SNX15: variants seen among roughly 807,000 people sequenced by gnomAD.
SNX15 encodes the protein sorting nexin-15.
SNX15 carries 29 observed loss-of-function variants against 35.2 expected under a neutral mutation model. The ratio of observed to expected loss-of-function variants is 0.82; its 90% CI spans 0.61 to 1.12. SNX15 has a LOEUF of 1.12. Ranked by LOEUF, SNX15 falls within the 50% of genes most tolerant of loss-of-function variation. SNX15 has a pLI of 0.00. For synonymous variants in SNX15, 189 were observed against 188.2 expected (o/e 1.00, Z -0.03); for missense variants, 400 against 451.5 (o/e 0.89, Z 1.03).
rs1946528755 is a variant in SNX15, at chr11:65,038,497, G to T, written c.665-75G>T. 2.7e-6 allele frequency: 4 copies of T among 1,483,240 alleles called. No individual in the cohort carries two copies. The South Asian group carries it at 5.7e-5, about 21-fold the overall frequency. The allele number at this position is 1,483,240 out of a possible 1,614,324, so 91.9% of individuals were successfully genotyped here. A position where few individuals can be genotyped will look rare whatever the true frequency, so the allele number is the denominator to read the frequency against. On this transcript the variant is annotated intron_variant, in intron 6 of 7. Transcript: ENST00000377244. ...CAGGCTGATACCCTGATGGACAAAA[G>T]AAGTCTTGGGGTTGGGCAGAGGGCC...
intron 1 of SNX15, among the ~76,000 whole-genome samples, chr11:65,031,788 T>A (rs577141057): frequency 1.3e-5 from 2 of 152,088 alleles, no homozygotes; most frequent in Non-Finnish European, 2.9e-5. Context: ...CTGTAGCTTC[T>A]TGGGAGGCTG....
At chr11:65,027,735 G>T in intron 1 of SNX15, 99 bp downstream of exon 1, 1 of 864,852 alleles carries the variant, frequency 1.2e-6, no homozygotes, top group Admixed American at 2.1e-5. Flanking sequence ...CTTTTTAGAC[G>T]ACAGAAATGG....
chr11:65,033,543 CAAAAAAAA>C, intron 3 of SNX15, among the ~76,000 whole-genome samples: 1 of 86,466 alleles, frequency 1.2e-5, no homozygotes, highest in East Asian at 4.0e-4. Context: ...GACTCCGTCT[CAAAAAAAA>C]AAAAAAAAAA....
chr11:65,029,303 C>T (rs1946413056), intron 1 of SNX15, among the ~76,000 whole-genome samples: 3 of 150,878 alleles, frequency 2.0e-5, no homozygotes, highest in Admixed American at 6.6e-5. Context: ...ACTACAGGCA[C>T]GCGTCACCAT....
chr11:65,036,348 GA>G (rs1355917969), intron 6 of SNX15: 1 of 152,276 alleles, frequency 6.6e-6, no homozygotes, highest in Non-Finnish European at 1.5e-5. Context: ...AGGAATTCAA[GA>G]CCAGCCTGGG....
chr11:65,035,029 C>T, intron 4 of SNX15, 30 bp from the exon 5 acceptor site: 4 of 1,613,830 alleles, frequency 2.5e-6, no homozygotes, highest in Non-Finnish European at 3.4e-6. Context: ...CACCCCATGA[C>T]TCCCCATGTC....
chr11:65,037,013 TC>T (rs1946511360), intron 6 of SNX15: 1 of 152,074 alleles, frequency 6.6e-6, no homozygotes, highest in African/African-American at 2.4e-5. Flanking sequence ...CCGTTCCTGC[TC>T]CTGCCTCTCC....
chr11:65,037,772 C>A (rs1042874510), intron 6 of SNX15: 4 of 152,198 alleles, frequency 2.6e-5, no homozygotes, highest in Non-Finnish European at 5.9e-5. Flanking sequence ...CTGCTCTCTG[C>A]TCCCTGAGCA....
rs776050249 is a variant in SNX15 at position 65,035,523 on chromosome 11, AC to A, written c.530del (p.Pro177HisfsTer93). ...RGLEELEVPVDPPPSSPAQEA... is the reference protein window; with the variant it reads ...RGLEELEVPVXPPPSSPAQEA... ...ACCCCACTTATCTCTTCCTCAGTGG[AC>A]CCCCCACCATCCAGCCCTGCCCAGG... On this transcript the variant is annotated frameshift_variant, in exon 6 of 8. Transcript: ENST00000377244. LOFTEE classifies it high-confidence loss of function. 3.8e-6 allele frequency: 6 copies of A among 1,587,366 alleles called. No homozygotes were observed. The highest frequency in any genetic ancestry group is 4.3e-6 in the Non-Finnish European group (5 of 1,170,312).
chr11:65,032,729 A>G (rs149639716), intron 3 of SNX15, among the ~76,000 whole-genome samples, 178 bp downstream of exon 3: 4 of 152,306 alleles, frequency 2.6e-5, no homozygotes, highest in Non-Finnish European at 5.9e-5. Flanking sequence ...AGAGTAGCCT[A>G]ACCCTTACTG....
At chr11:65,033,682 G>C (rs141974860) in intron 3 of SNX15, among the ~76,000 whole-genome samples, 423 of 152,100 alleles carry the variant, frequency 2.8e-3, no homozygotes, top group Non-Finnish European at 5.2e-3. Context: ...ACTCATGTGA[G>C]ATGTTCTTTT....
At chr11:65,039,142 G>A (rs1946543353) in intron 7 of SNX15, among the ~76,000 whole-genome samples, 1 of 149,360 alleles carries the variant, frequency 6.7e-6, no homozygotes, top group South Asian at 2.1e-4. Context: ...TACTGCCTCA[G>A]CCTCCCGACT....
At chr11:65,027,753 C>G (rs1392608460) in intron 1 of SNX15, 117 bp downstream of exon 1, 2 of 753,836 alleles carry the variant, frequency 2.7e-6, no homozygotes, top group Non-Finnish European at 4.5e-6. Context: ...TGGGTTTCCC[C>G]TTTAAGGGGA....
chr11:65,034,963 G>C lies in SNX15; in HGVS notation c.372+1G>C. 1 of 1,613,878 alleles carries C rather than the reference G, an allele frequency of 6.2e-7. No individual in the cohort carries two copies. The highest frequency in any genetic ancestry group is 1.3e-5 in the African/African-American group (1 of 75,026). Reference sequence around the variant, plus strand: ...CCCCCAGCTCAAGGAGTTCTTCCGGGTATGTGCACCTTCCACCTTCCCAGA... The same window carrying C: ...CCCCCAGCTCAAGGAGTTCTTCCGGCTATGTGCACCTTCCACCTTCCCAGA... On this transcript the variant is annotated splice_donor_variant, in intron 4 of 7. Transcript: ENST00000377244. LOFTEE classifies it high-confidence loss of function.
Position 65,034,835 on chromosome 11 carries a change from TG to T in SNX15, c.257-7del. On this transcript the variant is annotated splice_polypyrimidine_tract_variant and intron_variant, in intron 3 of 7. Coordinates refer to ENST00000377244, the MANE Select transcript of SNX15 (RefSeq NM_013306.5). ...CGCCACTCTCCCCTGTTCCTTGTCC[TG>T]GGGGCCGTAGGCCGGTTTGAAGCCT... is the stretch of plus-strand genomic sequence containing the variant. 2 of 1,609,410 alleles carry T rather than the reference TG, an allele frequency of 1.2e-6. No homozygotes were observed. The highest frequency in any genetic ancestry group is 1.7e-6 in the Non-Finnish European group (2 of 1,176,122).
intron 7 of SNX15, among the ~76,000 whole-genome samples, chr11:65,039,448 C>T (rs1946549830): frequency 6.6e-6 from 1 of 151,964 alleles, no homozygotes. Flanking sequence ...GGTCTCGAAC[C>T]CCTGACCTCG....
chr11:65,038,546 TC>T, intron 6 of SNX15, 25 bp from the exon 7 acceptor site: 1 of 1,514,494 alleles, frequency 6.6e-7, no homozygotes, highest in Non-Finnish European at 8.8e-7. Flanking sequence ...GCCAGTCTGG[TC>T]CGAGTCCTCC....
Position 65,035,161 on chromosome 11 carries a change from C to T in SNX15, c.475C>T (p.Leu159=). 6.3e-7 allele frequency: 1 copy of T among 1,578,300 alleles called. No homozygotes were observed. The highest frequency in any genetic ancestry group is 1.1e-5 in the South Asian group (1 of 87,548). ...PPPDDPRLSQ[L]LPAERRGLEE... The stretch of plus-strand genomic sequence containing the variant: ...CCCTGATGACCCCCGGCTATCCCAA[C>T]TGCTCCCTGCAGAAAGGAGGGGCCT... Residue 159 remains leucine (L), a synonymous_variant, in exon 5 of 8, where the codon CTG becomes TTG. Coordinates refer to ENST00000377244, the MANE Select transcript of SNX15 (RefSeq NM_013306.5).
At chr11:65,035,368 T>TA in intron 5 of SNX15, 152 bp from the exon 6 acceptor site, 1 of 1,227,730 alleles carries the variant, frequency 8.1e-7, no homozygotes, top group South Asian at 1.5e-5. Context: ...TTCTCTGTGC[T>TA]ACAGTTTCTT....
Sources: gnomAD v4.1 joint callset for allele counts (sites outside exome capture counted in the v4.1 genomes callset) on GRCh38, gnomAD v4.1.1 for gene constraint, MANE v1.5 for transcripts, NCBI Gene and HGNC (gene_info 2026-07-23, HGNC 2026-07-21) for gene names.